LYRM7: variants seen among roughly 807,000 people sequenced by gnomAD.
The protein encoded by LYRM7 is LYR motif containing 7, also known as complex III assembly factor LYRM7.
Under a neutral mutation model 15.8 loss-of-function variants are expected in LYRM7, and 9 were observed. The observed-to-expected ratio is 0.57, with a 90% CI of 0.34 to 0.99. The LOEUF is 0.99. Among genes scored for constraint, LYRM7 ranks in the 50% least tolerant of loss-of-function variants. LYRM7 has a pLI of 0.02. For synonymous variants in LYRM7, 39 were observed against 39.4 expected (o/e 0.99, Z 0.04); for missense variants, 115 against 119.1 (o/e 0.97, Z 0.16).
intron 3 of LYRM7, among the ~76,000 whole-genome samples, chr5:131,186,046 A>G (rs1470916334): frequency 6.6e-6 from 1 of 152,206 alleles, no homozygotes; most frequent in African/African-American, 2.4e-5. Context: ...TGGTATTTTG[A>G]TGGAGAAAGC....
chr5:131,174,470 G>A (rs1755567077), intron 1 of LYRM7, among the ~76,000 whole-genome samples: 1 of 152,208 alleles, frequency 6.6e-6, no homozygotes, highest in Non-Finnish European at 1.5e-5. Context: ...CTGGAATGGT[G>A]AATCCTTCCC....
At chr5:131,181,373 G>GTGT (rs1554089920) in intron 2 of LYRM7, among the ~76,000 whole-genome samples, 1 of 80,094 alleles carries the variant, frequency 1.2e-5, no homozygotes, top group East Asian at 2.9e-4. Context: ...ACATATATAT[G>GTGT]TATATATAAT....
At chr5:131,192,247 G>A (rs1755899107) in intron 4 of LYRM7, among the ~76,000 whole-genome samples, 1 of 152,108 alleles carries the variant, frequency 6.6e-6, no homozygotes, top group South Asian at 2.1e-4. Flanking sequence ...TAGAAACAGA[G>A]TGCAGATAGT....
chr5:131,185,602 A>G (rs1580696557), intron 3 of LYRM7, among the ~76,000 whole-genome samples: 1 of 152,208 alleles, frequency 6.6e-6, no homozygotes, highest in African/African-American at 2.4e-5. Flanking sequence ...TTTTTAAATT[A>G]TATCTATCAA....
intron 4 of LYRM7, among the ~76,000 whole-genome samples, chr5:131,190,648 G>A (rs533308083): frequency 3.3e-5 from 5 of 151,512 alleles, no homozygotes; most frequent in African/African-American, 1.2e-4. Flanking sequence ...TTGCCACCAC[G>A]CCCAGCTAAT....
intron 1 of LYRM7, among the ~76,000 whole-genome samples, chr5:131,176,733 C>G (rs1040365805): frequency 6.6e-6 from 1 of 151,644 alleles, no homozygotes; most frequent in Non-Finnish European, 1.5e-5. Context: ...CTATCCTCCT[C>G]CCTTTTGGCG....
intron 2 of LYRM7, among the ~76,000 whole-genome samples, chr5:131,181,835 G>T (rs1580694953): frequency 6.6e-6 from 1 of 152,002 alleles, no homozygotes; most frequent in East Asian, 1.9e-4. Flanking sequence ...GTGTATGTGT[G>T]TATGTAGTTT....
At position 131,200,784 on chromosome 5, in the gene LYRM7, A is replaced by C. The variant is rs911676460; in HGVS notation, c.*1183A>C. On this transcript the variant is annotated 3_prime_UTR_variant, in exon 5 of 5. Coordinates refer to ENST00000379380, the MANE Select transcript of LYRM7 (RefSeq NM_181705.4). ...CTGACTTACAGTTATTTTAGTGTCT[A>C]TATGACATATTTTGAGGAAAGTTGG... 15 of 152,372 alleles carry C rather than the reference A, an allele frequency of 9.8e-5. No individual in the cohort carries two copies. Among genetic ancestry groups the C allele is most frequent in the South Asian group, 4.1e-4 (2 of 4,828 alleles). 9.4% of individuals were successfully genotyped at this position (152,372 alleles called of 1,614,324 possible). A position where few individuals can be genotyped will look rare whatever the true frequency, so the allele number is the denominator to read the frequency against.
chr5:131,176,535 G>C (rs1332068515), intron 1 of LYRM7, among the ~76,000 whole-genome samples: 29 of 144,648 alleles, frequency 2.0e-4, no homozygotes, highest in African/African-American at 7.5e-4. Context: ...TTTTTTTTTG[G>C]AAGAAATATC....
intron 4 of LYRM7, among the ~76,000 whole-genome samples, chr5:131,196,104 T>A (rs1755959159): frequency 7.9e-6 from 1 of 127,172 alleles, no homozygotes; most frequent in South Asian, 2.3e-4. Context: ...CTCCTGTTCT[T>A]TTTTTTTTTT....
intron 4 of LYRM7, 79 bp downstream of exon 4, chr5:131,187,188 G>A: frequency 2.5e-6 from 2 of 800,770 alleles, no homozygotes; most frequent in South Asian, 3.3e-5. Flanking sequence ...ATGTAATGCT[G>A]AGTGATAAAA....
chr5:131,180,981 C>T (rs796485523), intron 2 of LYRM7, among the ~76,000 whole-genome samples: 85 of 151,852 alleles, frequency 5.6e-4, no homozygotes, highest in African/African-American at 2.0e-3. Flanking sequence ...CTCTAAACCA[C>T]CTTACGTATT....
At chr5:131,173,497 G>A (rs1561541841) in intron 1 of LYRM7, among the ~76,000 whole-genome samples, 1 of 152,216 alleles carries the variant, frequency 6.6e-6, no homozygotes, top group Non-Finnish European at 1.5e-5. Flanking sequence ...TGTAATCCCA[G>A]CACTTTGGGA....
In LYRM7 at chr5:131,174,643, C is replaced by A. The variant is rs147935809; in HGVS notation, c.18+3605C>A. 3.1e-3 allele frequency among the ~76,000 whole-genome samples: 465 copies of A among 152,190 alleles called. 3 individuals carry two copies. The highest frequency in any genetic ancestry group is 0.01 in the African/African-American group (436 of 41,534). On this transcript the variant is annotated intron_variant, in intron 1 of 4. Coordinates refer to ENST00000379380, the MANE Select transcript of LYRM7 (RefSeq NM_181705.4). ...GGGCAGATTGCTTGAGTCAGGAGTT[C>A]AAGACCAGCCTGGGCAACATGGCAA...
At chr5:131,181,431 CATAT>C (rs553270388) in intron 2 of LYRM7, among the ~76,000 whole-genome samples, 5 of 108,240 alleles carry the variant, frequency 4.6e-5, no homozygotes, top group African/African-American at 1.3e-4. Flanking sequence ...ATATATATAA[CATAT>C]ATATGTATAT....
At chr5:131,178,563 ATCTG>A (rs1755635039) in intron 1 of LYRM7, among the ~76,000 whole-genome samples, 1 of 152,178 alleles carries the variant, frequency 6.6e-6, no homozygotes, top group Non-Finnish European at 1.5e-5. Context: ...CCTCTTCACA[ATCTG>A]TCTTTTACCA....
At chr5:131,196,285 A>G (rs1253775436) in intron 4 of LYRM7, among the ~76,000 whole-genome samples, 1 of 151,340 alleles carries the variant, frequency 6.6e-6, no homozygotes, top group Non-Finnish European at 1.5e-5. Context: ...CTAAAGTACT[A>G]GGAGTATAGG....
At chr5:131,190,454 A>G (rs534689183) in intron 4 of LYRM7, among the ~76,000 whole-genome samples, 1 of 150,036 alleles carries the variant, frequency 6.7e-6, no homozygotes, top group Non-Finnish European at 1.5e-5. Flanking sequence ...TTGGCCTCCC[A>G]AAGTGCTGGG....
chr5:131,190,288 C>T (rs1053318382), intron 4 of LYRM7, among the ~76,000 whole-genome samples: 13 of 152,008 alleles, frequency 8.6e-5, no homozygotes, highest in African/African-American at 2.4e-4. Context: ...CTCTGCCTCC[C>T]GGGTTCAAGC....
Sources: allele counts gnomAD v4.1 joint callset (sites outside exome capture counted in the v4.1 genomes callset), GRCh38; gene constraint gnomAD v4.1.1; transcripts MANE v1.5; gene names NCBI Gene and HGNC (gene_info 2026-07-23, HGNC 2026-07-21).